The following SLC39A12 variants were observed in gnomAD, a reference collection of about 807,000 sequenced individuals.
SLC39A12 encodes zinc transporter ZIP12.
In SLC39A12, 63 loss-of-function variants were observed where a neutral mutation model predicts 71.1. That is an observed-to-expected ratio of 0.89 (90% CI 0.72 to 1.09). SLC39A12 has a LOEUF of 1.09. Ranked by LOEUF, SLC39A12 falls within the 50% of genes least tolerant of loss-of-function variation. The pLI, the probability that SLC39A12 is intolerant of heterozygous loss-of-function variation, is 0.00. For missense variants in SLC39A12, 892 were observed against 812.6 expected (o/e 1.10, Z -1.19); for synonymous variants, 351 against 301.3 (o/e 1.16, Z -1.71).
intron 12 of SLC39A12, among the ~76,000 whole-genome samples, chr10:18,036,604 G>A (rs1049228560): frequency 5.3e-5 from 8 of 151,594 alleles, no homozygotes; most frequent in South Asian, 2.1e-4. Context: ...GAAATCACCC[G>A]TCTTCTGCGT....
intron 7 of SLC39A12, among the ~76,000 whole-genome samples, chr10:17,988,807 T>C (rs2130821606): frequency 6.6e-6 from 1 of 152,314 alleles, no homozygotes. Flanking sequence ...AGTGGACAGC[T>C]TCCCCACAGC....
At chr10:17,985,608 T>C (rs1326097648) in intron 6 of SLC39A12, among the ~76,000 whole-genome samples, 1 of 152,164 alleles carries the variant, frequency 6.6e-6, no homozygotes, top group Admixed American at 6.5e-5. Flanking sequence ...CCATCACTTG[T>C]TAGTAATTTC....
intron 12 of SLC39A12, among the ~76,000 whole-genome samples, chr10:18,041,218 C>G (rs1015399784): frequency 1.3e-5 from 2 of 152,028 alleles, no homozygotes; most frequent in African/African-American, 4.8e-5. Flanking sequence ...TGAACCCTTC[C>G]CTCTAAATGG....
chr10:17,958,717 G>A (rs1554848019), intron 2 of SLC39A12, among the ~76,000 whole-genome samples: 1 of 152,190 alleles, frequency 6.6e-6, no homozygotes, highest in East Asian at 1.9e-4. Flanking sequence ...CTTTTCTCAT[G>A]AAGAAAGGTG....
At chr10:17,978,952 A>G (rs980823380) in intron 5 of SLC39A12, among the ~76,000 whole-genome samples, 2 of 152,166 alleles carry the variant, frequency 1.3e-5, no homozygotes, top group Admixed American at 1.3e-4. Flanking sequence ...CCCAACCCAG[A>G]ATCTACTGAA....
At chr10:17,983,477 AC>A (rs1306486248) in intron 6 of SLC39A12, among the ~76,000 whole-genome samples, 1 of 151,608 alleles carries the variant, frequency 6.6e-6, no homozygotes, top group Non-Finnish European at 1.5e-5. Flanking sequence ...ACAGAGAGAG[AC>A]CCTGTCTTAA....
At chr10:18,019,297 C>A (rs1836465712) in intron 12 of SLC39A12, among the ~76,000 whole-genome samples, 1 of 151,824 alleles carries the variant, frequency 6.6e-6, no homozygotes, top group Admixed American at 6.6e-5. Flanking sequence ...TTTTTGTTAG[C>A]CTAGCCAGAG....
chr10:17,969,678 A>G (rs1228817376), intron 4 of SLC39A12, among the ~76,000 whole-genome samples: 2 of 152,118 alleles, frequency 1.3e-5, no homozygotes, highest in Admixed American at 6.5e-5. Context: ...CTCCTTGTAT[A>G]TTCTGGTTAT....
intron 4 of SLC39A12, among the ~76,000 whole-genome samples, chr10:17,975,501 T>C (rs958971504): frequency 8.5e-5 from 13 of 152,182 alleles, no homozygotes; most frequent in African/African-American, 2.9e-4. Flanking sequence ...CTTGCAACTC[T>C]AACCACTGCC....
At chr10:18,033,751 A>T (rs11492533) in intron 12 of SLC39A12, among the ~76,000 whole-genome samples, 18,130 of 140,040 alleles carry the variant, frequency 0.13, 1,865 homozygotes, top group African/African-American at 0.29. Flanking sequence ...TTAGGGTGTC[A>T]ATTTTGGATC....
At chr10:17,986,009 G>A (rs1184816693) in intron 6 of SLC39A12, among the ~76,000 whole-genome samples, 1 of 152,064 alleles carries the variant, frequency 6.6e-6, no homozygotes, top group Non-Finnish European at 1.5e-5. Flanking sequence ...TATCACCCTG[G>A]ACATTGCAAA....
chr10:18,015,670 A>G (rs879631521), intron 12 of SLC39A12, among the ~76,000 whole-genome samples: 1 of 152,052 alleles, frequency 6.6e-6, no homozygotes, highest in Non-Finnish European at 1.5e-5. Flanking sequence ...TGACAGAACT[A>G]TGTGGGTGGG....
At position 18,028,564 on chromosome 10, in the gene SLC39A12, C is replaced by G. The variant is rs1026518776; in HGVS notation, c.1948-14141C>G. On this transcript the variant is annotated intron_variant, in intron 12 of 12. Transcript: ENST00000377369. ...TCATCCTTCTTTGTGACAGGTCCTC[C>G]CTAGTATACAGTTATCACATAGGAC... Among the ~76,000 whole-genome samples, 2 of 152,086 alleles carry G rather than the reference C, an allele frequency of 1.3e-5. 1 individual carries two copies. Among genetic ancestry groups the G allele is most frequent in the African/African-American group, 4.8e-5 (2 of 41,416 alleles).
At chr10:17,997,311 C>T (rs1835716432) in intron 10 of SLC39A12, among the ~76,000 whole-genome samples, 1 of 152,170 alleles carries the variant, frequency 6.6e-6, no homozygotes, top group Non-Finnish European at 1.5e-5. Context: ...ATTATAACAA[C>T]TACTGTTCTA....
intron 12 of SLC39A12, among the ~76,000 whole-genome samples, chr10:18,005,164 C>T (rs1424981781): frequency 6.6e-6 from 1 of 151,974 alleles, no homozygotes; most frequent in Non-Finnish European, 1.5e-5. Flanking sequence ...GTGCAGCAAA[C>T]CACTGTGACA....
intron 12 of SLC39A12, among the ~76,000 whole-genome samples, chr10:18,040,769 CAAA>C (rs34842202): frequency 4.2e-5 from 4 of 94,700 alleles, no homozygotes; most frequent in African/African-American, 7.6e-5. Flanking sequence ...AACTCCATCT[CAAA>C]AAAAAAAAAA....
intron 9 of SLC39A12, 108 bp downstream of exon 9, chr10:17,993,399 G>A: frequency 1.3e-6 from 1 of 784,920 alleles, no homozygotes; most frequent in Non-Finnish European, 2.1e-6. Flanking sequence ...TCATACTCCT[G>A]ATTTGCCGGT....
chr10:18,028,513 A>G (rs542093442), intron 12 of SLC39A12, among the ~76,000 whole-genome samples: 1 of 152,206 alleles, frequency 6.6e-6, no homozygotes, highest in East Asian at 1.9e-4. Flanking sequence ...GGGACAAAAT[A>G]CGAGTTCCAG....
At chr10:18,019,367 T>C (rs796256926) in intron 12 of SLC39A12, among the ~76,000 whole-genome samples, 2 of 152,116 alleles carry the variant, frequency 1.3e-5, no homozygotes, top group African/African-American at 4.8e-5. Flanking sequence ...AATTTCTGTA[T>C]TGATTAACTG....
Sources: gnomAD v4.1 joint callset for allele counts (sites outside exome capture counted in the v4.1 genomes callset) on GRCh38, gnomAD v4.1.1 for gene constraint, MANE v1.5 for transcripts, NCBI Gene and HGNC (gene_info 2026-07-23, HGNC 2026-07-21) for gene names.